The following ARHGEF6 variants were observed in gnomAD, a reference collection of about 807,000 sequenced individuals.
ARHGEF6 encodes Rac/Cdc42 guanine nucleotide exchange factor 6, also known as rho guanine nucleotide exchange factor 6.
ARHGEF6 carries 9 observed loss-of-function variants against 70.3 expected under a neutral mutation model. The ratio of observed to expected loss-of-function variants is 0.13; its 90% CI spans 0.08 to 0.22. The LOEUF is 0.22. ARHGEF6 is among the 10% of genes least tolerant of loss of function. ARHGEF6 has a pLI of 1.00. For synonymous variants in ARHGEF6, 201 were observed against 207.8 expected (o/e 0.97, Z 0.28); for missense variants, 470 against 563.0 (o/e 0.83, Z 1.67).
chrX:136,681,018 A>C, intron 14 of ARHGEF6, 142 bp from the exon 15 acceptor site: 1 of 607,298 alleles, frequency 1.6e-6, no homozygotes. Context: ...AACCCTGCTG[A>C]AATTTCTATA....
At chrX:136,741,607 A>G (rs1052273937) in intron 5 of ARHGEF6, among the ~76,000 whole-genome samples, 3 of 109,738 alleles carry the variant, frequency 2.7e-5, no homozygotes, top group Non-Finnish European at 3.8e-5. Context: ...ATGAAAATAA[A>G]GCAATGCTCT....
chrX:136,742,991 GA>G (rs1281348307), intron 5 of ARHGEF6, among the ~76,000 whole-genome samples: 1,172 of 111,154 alleles, frequency 0.011, 12 homozygotes, highest in African/African-American at 0.036. Context: ...ATTAAAAAAA[GA>G]GAGAGAGAGA....
At chrX:136,705,165 G>T (rs368372512) in intron 9 of ARHGEF6, among the ~76,000 whole-genome samples, 1 of 110,219 alleles carries the variant, frequency 9.1e-6, no homozygotes, top group South Asian at 4.0e-4. Context: ...ACAAAAATTA[G>T]CTGGTCGTGG....
intron 5 of ARHGEF6, among the ~76,000 whole-genome samples, chrX:136,743,061 G>C (rs2077060941): frequency 8.9e-6 from 1 of 111,946 alleles, no homozygotes; most frequent in Non-Finnish European, 1.9e-5. Flanking sequence ...ACAAAAAAAA[G>C]GTAAACAGCT....
chrX:136,761,556 G>A (rs1327321763), intron 2 of ARHGEF6, among the ~76,000 whole-genome samples: 3 of 112,508 alleles, frequency 2.7e-5, no homozygotes, highest in Non-Finnish European at 3.7e-5. Flanking sequence ...CACTTTAATA[G>A]TGAGTGAAAG....
At chrX:136,717,260 G>C (rs1309771839) in intron 6 of ARHGEF6, among the ~76,000 whole-genome samples, 1 of 112,203 alleles carries the variant, frequency 8.9e-6, no homozygotes, top group Admixed American at 9.4e-5. Flanking sequence ...TCAAATAAAA[G>C]TTACATCTGA....
At chrX:136,740,843 A>G (rs1303981057) in intron 5 of ARHGEF6, among the ~76,000 whole-genome samples, 1 of 111,987 alleles carries the variant, frequency 8.9e-6, no homozygotes, top group Non-Finnish European at 1.9e-5. Context: ...GAACAATGTT[A>G]GAGTGAACCT....
chrX:136,767,419 C>T (rs1336464439), intron 2 of ARHGEF6: 6 of 755,122 alleles, frequency 7.9e-6, no homozygotes, highest in Non-Finnish European at 9.4e-6. Context: ...GAGGAGGGGG[C>T]GCCCGTCTCC....
chrX:136,763,644 G>A (rs1228562100), intron 2 of ARHGEF6, among the ~76,000 whole-genome samples: 1 of 111,421 alleles, frequency 9.0e-6, no homozygotes. Flanking sequence ...GGCCAATATG[G>A]TGAAACCCCA....
At chrX:136,706,673 C>T (rs1261555727) in intron 9 of ARHGEF6, among the ~76,000 whole-genome samples, 1 of 112,039 alleles carries the variant, frequency 8.9e-6, no homozygotes, top group Non-Finnish European at 1.9e-5. Flanking sequence ...GGAAGGACCT[C>T]CTCCTCCTTG....
At chrX:136,745,132 T>C in intron 4 of ARHGEF6, 91 bp downstream of exon 4, 1 of 1,109,489 alleles carries the variant, frequency 9.0e-7, no homozygotes, top group Non-Finnish European at 1.2e-6. Flanking sequence ...ACAACCCGGA[T>C]GGCTGTCTCA....
At chrX:136,689,833 A>C (rs1487884127) in intron 10 of ARHGEF6, among the ~76,000 whole-genome samples, 2 of 111,296 alleles carry the variant, frequency 1.8e-5, no homozygotes, top group Non-Finnish European at 3.8e-5. Context: ...ACCCACACTT[A>C]AATCCCCCAT....
At chrX:136,745,621 C>A (rs2077088247) in intron 3 of ARHGEF6, among the ~76,000 whole-genome samples, 1 of 111,945 alleles carries the variant, frequency 8.9e-6, no homozygotes. Flanking sequence ...CTCTTCCCTC[C>A]TGAACCAGTT....
intron 6 of ARHGEF6, among the ~76,000 whole-genome samples, chrX:136,728,712 G>A (rs976098063): frequency 6.4e-5 from 7 of 109,424 alleles, no homozygotes; most frequent in Non-Finnish European, 1.3e-4. Context: ...AGGTGGAGTA[G>A]AGCATATTGC....
intron 2 of ARHGEF6, among the ~76,000 whole-genome samples, chrX:136,778,675 A>C (rs2148691777): frequency 9.1e-6 from 1 of 110,386 alleles, no homozygotes; most frequent in South Asian, 3.9e-4. Flanking sequence ...TTTTTTGTAG[A>C]GTCACCATTT....
chrX:136,750,928 G>A (rs1210831392), intron 2 of ARHGEF6, among the ~76,000 whole-genome samples: 3 of 109,475 alleles, frequency 2.7e-5, no homozygotes, highest in East Asian at 2.9e-4. Flanking sequence ...TCAGCCTCTC[G>A]AGTAGCTGGG....
chrX:136,780,167 C>T (rs1004569248), intron 1 of ARHGEF6, among the ~76,000 whole-genome samples: 2 of 112,083 alleles, frequency 1.8e-5, no homozygotes, highest in Admixed American at 9.4e-5. Flanking sequence ...GTTAGTTTCA[C>T]TTTGAACGCA....
intron 5 of ARHGEF6, among the ~76,000 whole-genome samples, chrX:136,738,713 C>T: frequency 8.9e-6 from 1 of 112,882 alleles, no homozygotes. Context: ...TAAGAGAGAT[C>T]AACCTTTGTG....
At chrX:136,675,350 T>TG (rs752528280) in intron 18 of ARHGEF6, among the ~76,000 whole-genome samples, 63 of 97,732 alleles carry the variant, frequency 6.4e-4, no homozygotes, top group African/African-American at 1.6e-3. Flanking sequence ...GGGACCGGGG[T>TG]GGGGGGGGCG....
Sources: gnomAD v4.1 joint callset for allele counts (sites outside exome capture counted in the v4.1 genomes callset) on GRCh38, gnomAD v4.1.1 for gene constraint, MANE v1.5 for transcripts, NCBI Gene and HGNC (gene_info 2026-07-23, HGNC 2026-07-21) for gene names.